RYR3: variants seen among roughly 807,000 people sequenced by gnomAD.
RYR3 encodes the protein brain ryanodine receptor-calcium release channel.
A neutral mutation model predicts 584.3 loss-of-function variants in RYR3; 207 were observed. The ratio of observed to expected loss-of-function variants is 0.35; its 90% CI spans 0.32 to 0.40. The LOEUF (loss-of-function observed/expected upper bound fraction) is 0.40, where lower values mean the gene tolerates loss of function less well. Among genes scored for constraint, RYR3 ranks in the 10% least tolerant of loss-of-function variants. RYR3 has a pLI of 1.00. For missense variants in RYR3, 5,616 were observed against 6,089.2 expected (o/e 0.92, Z 2.59); for synonymous variants, 2,416 against 2,248.5 (o/e 1.07, Z -2.11).
chr15:33,507,101 T>C (rs1178850990), intron 3 of RYR3, among the ~76,000 whole-genome samples: 1 of 152,212 alleles, frequency 6.6e-6, no homozygotes, highest in East Asian at 1.9e-4. Flanking sequence ...TAGTCAAAAA[T>C]TGGTCCTGGT....
Position 33,686,959 on chromosome 15 carries a change from A to G in RYR3, c.5861-9259A>G, listed in dbSNP as rs147852289. Among the ~76,000 whole-genome samples the G allele has an allele frequency of 1.6e-3, 248 of 152,304 alleles. 2 individuals carry two copies. The highest frequency in any genetic ancestry group is 5.7e-3 in the African/African-American group (238 of 41,588). ...GCTGTCTATGACAAACCCACAGCCAATATCATAATGGGCAGAAACTGGAAG... is the reference window on the plus strand; with the variant it reads ...GCTGTCTATGACAAACCCACAGCCAGTATCATAATGGGCAGAAACTGGAAG... On this transcript the variant is annotated intron_variant, in intron 38 of 103. Coordinates refer to ENST00000634891, the MANE Select transcript of RYR3 (RefSeq NM_001036.6).
chr15:33,843,317 C>T (rs1239042984), intron 91 of RYR3, among the ~76,000 whole-genome samples, 171 bp from the exon 92 acceptor site: 1 of 151,056 alleles, frequency 6.6e-6, no homozygotes, highest in Non-Finnish European at 1.5e-5. Context: ...GAGACTCCAT[C>T]TCAAAAAAAA....
At chr15:33,728,822 G>A (rs544998263) in intron 46 of RYR3, 35 bp from the exon 47 acceptor site, 2 of 1,591,188 alleles carry the variant, frequency 1.3e-6, no homozygotes, top group East Asian at 2.2e-5. Flanking sequence ...TTGGAGACAG[G>A]AAAAGGGAAA....
At chr15:33,558,086 CTTTTTTAAATTTATTTG>C (rs376610042) in intron 10 of RYR3, among the ~76,000 whole-genome samples, 11,715 of 152,076 alleles carry the variant, frequency 0.077, 568 homozygotes, top group Middle Eastern at 0.1. Context: ...TGAGAACATT[CTTTTTTAAATTTATTTG>C]TTTTTTATTA....
intron 2 of RYR3, among the ~76,000 whole-genome samples, chr15:33,489,279 G>A (rs1249518282): frequency 6.6e-6 from 1 of 152,114 alleles, no homozygotes; most frequent in Admixed American, 6.6e-5. Flanking sequence ...TGTCACAAGG[G>A]TTTGTTGTAC....
chr15:33,389,583 A>T (rs1442485162), intron 1 of RYR3, among the ~76,000 whole-genome samples: 1 of 152,242 alleles, frequency 6.6e-6, no homozygotes, highest in Non-Finnish European at 1.5e-5. Flanking sequence ...ACTGTCTCCT[A>T]CCGCAGCAAG....
chr15:33,824,831 G>A (rs958286690), intron 81 of RYR3, among the ~76,000 whole-genome samples: 1 of 152,116 alleles, frequency 6.6e-6, no homozygotes, highest in Admixed American at 6.5e-5. Context: ...TTTCAGATTG[G>A]GGAATAAGTT....
chr15:33,738,506 G>C lies in RYR3; in HGVS notation c.7572G>C (p.Trp2524Cys), dbSNP rs747497782. Reference protein sequence around the residue: ...CWKYYCLPSGWGSYGLAVEEE... With the variant: ...CWKYYCLPSGCGSYGLAVEEE... The stretch of plus-strand genomic sequence containing the variant: ...AGTATTACTGCCTGCCTTCAGGATG[G>C]GGGAGCTACGGGCTAGCTGTGGAAG... Residue 2524 changes from tryptophan (W) to cysteine (C), a missense_variant, in exon 50 of 104, where the codon TGG becomes TGC. Physicochemically the swap from Trp to Cys is radical, Grantham distance 215. This residue lies in a region of RYR3 where 1,280 missense variants were observed against 1,426.2 expected (regional missense o/e 0.90). Transcript: ENST00000634891. 14 of 1,613,982 alleles carry C rather than the reference G, an allele frequency of 8.7e-6. No homozygotes were observed. In the Admixed American group the frequency reaches 2.3e-4, roughly 27 times the overall value.
chr15:33,511,881 C>G (rs1178514385), intron 3 of RYR3, among the ~76,000 whole-genome samples: 1 of 152,208 alleles, frequency 6.6e-6, no homozygotes, highest in African/African-American at 2.4e-5. Flanking sequence ...CGGGTTCACG[C>G]CATTCTCCTG....
chr15:33,510,290 T>A (rs12439840), intron 3 of RYR3, among the ~76,000 whole-genome samples: 19,521 of 152,220 alleles, frequency 0.13, 1,600 homozygotes, highest in East Asian at 0.43. Context: ...CACCTCTACA[T>A]GACATCACTT....
At chr15:33,836,828 G>T (rs2078085268) in intron 87 of RYR3, 78 bp from the exon 88 acceptor site, 8 of 1,143,142 alleles carry the variant, frequency 7.0e-6, no homozygotes, top group Admixed American at 5.9e-5. Flanking sequence ...CCTTTCCAGA[G>T]CAGGCTCTTC....
At chr15:33,802,525 A>G (rs1352690286) in intron 69 of RYR3, among the ~76,000 whole-genome samples, 2 of 152,210 alleles carry the variant, frequency 1.3e-5, no homozygotes, top group African/African-American at 4.8e-5. Context: ...GAAAAGGCAT[A>G]TCGGACATCT....
Position 33,788,395 on chromosome 15 carries a change from C to A in RYR3, c.9767C>A (p.Ala3256Glu). 6.2e-7 allele frequency: 1 copy of A among 1,613,932 alleles called. No individual in the cohort carries two copies. Among genetic ancestry groups the A allele is most frequent in the African/African-American group, 1.3e-5 (1 of 75,030 alleles). Residue 3256 changes from alanine to glutamate, a missense_variant, in exon 67 of 104, where the codon GCG becomes GAG. This residue lies in a region of RYR3 where 954 missense variants were observed against 1,132.2 expected (regional missense o/e 0.84). Transcript: ENST00000634891. ...GAACTCCTCATCCTGGACGAGTTCG[C>A]GGTCCTCTGCAGAGATCTCTATGCC... ...EAELLILDEF[A>E]VLCRDLYAFY...
chr15:33,629,499 T>C (rs2061163830), intron 21 of RYR3, among the ~76,000 whole-genome samples: 2 of 152,278 alleles, frequency 1.3e-5, no homozygotes, highest in African/African-American at 2.4e-5. Flanking sequence ...GATTTTCTAA[T>C]GTGGCTACTA....
At chr15:33,455,126 C>T (rs961784548) in intron 1 of RYR3, among the ~76,000 whole-genome samples, 2 of 152,134 alleles carry the variant, frequency 1.3e-5, no homozygotes, top group Admixed American at 1.3e-4. Flanking sequence ...ATGTGTAACA[C>T]AGAGCAGCTG....
intron 10 of RYR3, among the ~76,000 whole-genome samples, chr15:33,559,231 A>C (rs2057273614): frequency 6.6e-6 from 1 of 152,188 alleles, no homozygotes; most frequent in African/African-American, 2.4e-5. Flanking sequence ...GGGTCCACAA[A>C]ACCATGAGAT....
intron 38 of RYR3, among the ~76,000 whole-genome samples, chr15:33,679,750 T>C (rs758813466): frequency 5.3e-5 from 8 of 152,204 alleles, no homozygotes; most frequent in Non-Finnish European, 1.0e-4. Context: ...ACATAAATTT[T>C]GTATTGCTAA....
chr15:33,604,420 G>A (rs2059812649), intron 18 of RYR3, among the ~76,000 whole-genome samples: 1 of 152,052 alleles, frequency 6.6e-6, no homozygotes, highest in Non-Finnish European at 1.5e-5. Context: ...ATTTTCAGTT[G>A]GTCCATATGG....
chr15:33,724,516 C>G (rs559524592), intron 45 of RYR3, among the ~76,000 whole-genome samples: 145 of 152,246 alleles, frequency 9.5e-4, no homozygotes, highest in Admixed American at 1.2e-3. Flanking sequence ...TCAGGATGCT[C>G]CATGTAGAAG....
Sources: gnomAD v4.1 joint callset for allele counts (sites outside exome capture counted in the v4.1 genomes callset) on GRCh38, gnomAD v4.1.1 for gene constraint, gnomAD v4.1.1 regional missense constraint, MANE v1.5 for transcripts, NCBI Gene and HGNC (gene_info 2026-07-23, HGNC 2026-07-21) for gene names.